The following CCSER1 variants were observed in gnomAD, a reference collection of about 807,000 sequenced individuals.
CCSER1 encodes coiled-coil serine rich protein 1, also known as serine-rich coiled-coil domain-containing protein 1.
In CCSER1, 41 loss-of-function variants were observed where a neutral mutation model predicts 82.0. The ratio of observed to expected loss-of-function variants is 0.50; its 90% CI spans 0.39 to 0.65. The LOEUF is 0.65. Among genes scored for constraint, CCSER1 ranks in the 30% least tolerant of loss-of-function variants. CCSER1 has a pLI of 0.00. For missense variants in CCSER1, 1,119 were observed against 1,064.2 expected (o/e 1.05, Z -0.72); for synonymous variants, 414 against 383.9 (o/e 1.08, Z -0.92).
At chr4:90,530,447 G>GA (rs1774362629) in intron 5 of CCSER1, among the ~76,000 whole-genome samples, 1 of 152,050 alleles carries the variant, frequency 6.6e-6, no homozygotes, top group South Asian at 2.1e-4. Flanking sequence ...TGTTGCAAGG[G>GA]AAAAAGTACA....
chr4:90,528,818 C>T (rs998865377), intron 5 of CCSER1, among the ~76,000 whole-genome samples: 21 of 152,094 alleles, frequency 1.4e-4, no homozygotes, highest in African/African-American at 5.1e-4. Flanking sequence ...ATTAGGTCAC[C>T]TTGTCTGTTT....
chr4:90,444,668 C>G (rs913943438), intron 4 of CCSER1, among the ~76,000 whole-genome samples: 1 of 151,984 alleles, frequency 6.6e-6, no homozygotes, highest in Non-Finnish European at 1.5e-5. Flanking sequence ...TAATATATCT[C>G]ATTTTATTTT....
intron 10 of CCSER1, among the ~76,000 whole-genome samples, chr4:91,127,322 G>C (rs938686333): frequency 6.6e-6 from 1 of 152,026 alleles, no homozygotes; most frequent in African/African-American, 2.4e-5. Flanking sequence ...CTACTATTCA[G>C]GAGATTGTAC....
intron 10 of CCSER1, among the ~76,000 whole-genome samples, chr4:91,136,619 T>G (rs1728492697): frequency 6.6e-6 from 1 of 152,186 alleles, no homozygotes; most frequent in Non-Finnish European, 1.5e-5. Context: ...ATGGATATCT[T>G]ATATTTAAAC....
Position 91,053,417 on chromosome 4 carries a change from A to G in CCSER1, c.2173-32533A>G, listed in dbSNP as rs182459063. 2.0e-5 allele frequency among the ~76,000 whole-genome samples: 3 copies of G among 152,292 alleles called. No homozygotes were observed. The East Asian group carries it at 5.8e-4, about 29-fold the overall frequency. ...TATGGTGGAACATGGTATCACAAAT[A>G]CAGATATTCCTTAAACCTAAGTATT... is the stretch of plus-strand genomic sequence containing the variant. On this transcript the variant is annotated intron_variant, in intron 9 of 10. Coordinates refer to ENST00000509176, the MANE Select transcript of CCSER1 (RefSeq NM_001145065.2).
chr4:91,262,955 A>C (rs1668584526), intron 10 of CCSER1, among the ~76,000 whole-genome samples: 1 of 152,018 alleles, frequency 6.6e-6, no homozygotes, highest in African/African-American at 2.4e-5. Flanking sequence ...TCTGGTAATT[A>C]ACACTTAGGT....
chr4:91,133,145 C>T (rs1167964508), intron 10 of CCSER1, among the ~76,000 whole-genome samples: 1 of 152,158 alleles, frequency 6.6e-6, no homozygotes, highest in Non-Finnish European at 1.5e-5. Flanking sequence ...TTTATTCTCA[C>T]CTTCTCTTCT....
chr4:91,248,712 G>GA (rs756400634), intron 10 of CCSER1, among the ~76,000 whole-genome samples: 106 of 152,006 alleles, frequency 7.0e-4, no homozygotes, highest in Non-Finnish European at 1.4e-3. Context: ...TTCTGAAACA[G>GA]AAAAAGGATA....
At chr4:90,606,123 C>T (rs922132003) in intron 5 of CCSER1, among the ~76,000 whole-genome samples, 3 of 151,798 alleles carry the variant, frequency 2.0e-5, no homozygotes, top group South Asian at 2.1e-4. Context: ...TTTTAAACAC[C>T]GAAGAGATAA....
intron 8 of CCSER1, among the ~76,000 whole-genome samples, chr4:90,863,001 C>T (rs1765285474): frequency 6.9e-6 from 1 of 145,286 alleles, no homozygotes; most frequent in Non-Finnish European, 1.5e-5. Flanking sequence ...AGGTTAGTTA[C>T]ATATGTATAC....
At chr4:90,384,370 TCAC>T (rs1208939585) in intron 3 of CCSER1, among the ~76,000 whole-genome samples, 1 of 138,614 alleles carries the variant, frequency 7.2e-6, no homozygotes. Flanking sequence ...AAAAAACAAA[TCAC>T]CACATGTTCT....
intron 7 of CCSER1, among the ~76,000 whole-genome samples, chr4:90,755,355 C>T (rs1749338391): frequency 6.6e-6 from 1 of 152,168 alleles, no homozygotes; most frequent in Admixed American, 6.5e-5. Context: ...CATTACAGCT[C>T]CCACTCTCAT....
intron 9 of CCSER1, among the ~76,000 whole-genome samples, chr4:91,022,729 A>G (rs13106554): frequency 0.5 from 75,305 of 151,928 alleles, 18,849 homozygotes; most frequent in East Asian, 0.67. Context: ...ATATCTCATT[A>G]TGGTTTTGAT....
rs557653271 is a variant in CCSER1, at chr4:91,387,584, G to A, written c.2218-210988G>A. Among the ~76,000 whole-genome samples, 50 of 152,174 alleles carry A rather than the reference G, an allele frequency of 3.3e-4. 1 individual carries two copies. The South Asian group carries it at 0.01, about 31-fold the overall frequency. ...TGTTTAAGTATCTAACTAATTTTGT[G>A]AGTAAGATTTCCTTGAGGCTTTGGT... On this transcript the variant is annotated intron_variant, in intron 10 of 10. Coordinates refer to ENST00000509176, the MANE Select transcript of CCSER1 (RefSeq NM_001145065.2).
chr4:91,178,501 G>A (rs1481666316), intron 10 of CCSER1, among the ~76,000 whole-genome samples: 2 of 152,142 alleles, frequency 1.3e-5, no homozygotes, highest in East Asian at 3.9e-4. Flanking sequence ...CCTGTATTGG[G>A]TGCATATATA....
At chr4:90,249,627 CATA>C (rs1314239311) in intron 1 of CCSER1, among the ~76,000 whole-genome samples, 1 of 152,114 alleles carries the variant, frequency 6.6e-6, no homozygotes. Flanking sequence ...TTTCACTTAG[CATA>C]ATGTTTTCAA....
intron 9 of CCSER1, among the ~76,000 whole-genome samples, chr4:90,925,865 A>G (rs1053235371): frequency 3.2e-4 from 48 of 152,112 alleles, no homozygotes; most frequent in African/African-American, 9.9e-4. Context: ...CCTTCATATG[A>G]GCAAATTAAA....
chr4:91,533,466 G>A (rs1761136931), intron 10 of CCSER1, among the ~76,000 whole-genome samples: 1 of 152,064 alleles, frequency 6.6e-6, no homozygotes, highest in Non-Finnish European at 1.5e-5. Context: ...AGGGGAATAG[G>A]GTATGGAAGT....
chr4:90,863,806 T>C (rs1031749285), intron 8 of CCSER1, among the ~76,000 whole-genome samples: 6 of 151,760 alleles, frequency 4.0e-5, no homozygotes, highest in Non-Finnish European at 8.8e-5. Flanking sequence ...ACATATTTGC[T>C]TACTCTAAGT....
Sources: gnomAD v4.1 joint callset for allele counts (sites outside exome capture counted in the v4.1 genomes callset) on GRCh38, gnomAD v4.1.1 for gene constraint, MANE v1.5 for transcripts, NCBI Gene and HGNC (gene_info 2026-07-23, HGNC 2026-07-21) for gene names.